Variants in POU2F1 observed in about 807,000 individuals in gnomAD.
POU2F1 encodes POU class 2 homeobox 1.
POU2F1 carries 16 observed loss-of-function variants against 84.9 expected under a neutral mutation model. The ratio of observed to expected loss-of-function variants is 0.19; its 90% CI spans 0.13 to 0.29. POU2F1 has a LOEUF of 0.29. POU2F1 is among the 10% of genes least tolerant of loss of function. POU2F1 has a pLI of 1.00. For synonymous variants in POU2F1, 368 were observed against 368.3 expected, an observed-to-expected ratio of 1.00 and a Z score of 0.01; for missense variants, 738 against 942.6, an observed-to-expected ratio of 0.78 and a Z score of 2.84.
intron 2 of POU2F1, among the ~76,000 whole-genome samples, chr1:167,358,715 G>GATTTTTTTTTTTTTTTT (rs1557923742): frequency 2.4e-5 from 1 of 41,582 alleles, no homozygotes; most frequent in African/African-American, 8.0e-5. Flanking sequence ...ATTATCTGCA[G>GATTTTTTTTTTTTTTTT]CTTTTTTTTT....
chr1:167,426,646 T>G lies in POU2F1; in HGVS notation c.*10836T>G, dbSNP rs1035664233. The G allele has an allele frequency of 1.6e-4, 25 of 152,216 alleles. 1 individual carries two copies. 9.4% of individuals were successfully genotyped at this position (152,216 alleles called of 1,614,324 possible). On this transcript the variant is annotated 3_prime_UTR_variant, in exon 16 of 16. Transcript: ENST00000367866. ...TCTTAATTATTAATTCAGGGGTGTT[T>G]GTCCACTGTTGTCAAAGGAGGGGCA...
intron 1 of POU2F1, among the ~76,000 whole-genome samples, chr1:167,266,821 A>G (rs187221728): frequency 6.6e-6 from 1 of 151,962 alleles, no homozygotes; most frequent in East Asian, 1.9e-4. Flanking sequence ...ATGGGGTTAT[A>G]TCGTGTTGGC....
intron 2 of POU2F1, among the ~76,000 whole-genome samples, chr1:167,352,092 A>G (rs1001675447): frequency 5.9e-5 from 9 of 152,222 alleles, no homozygotes; most frequent in Admixed American, 3.9e-4. Flanking sequence ...AAGGATGCCC[A>G]TTTTAGGAAA....
intron 7 of POU2F1, among the ~76,000 whole-genome samples, chr1:167,377,752 A>T (rs1054144222): frequency 2.6e-5 from 4 of 152,184 alleles, no homozygotes; most frequent in Non-Finnish European, 4.4e-5. Flanking sequence ...TGATGTACAG[A>T]TAATTTCATC....
chr1:167,374,319 T>TG, intron 6 of POU2F1, 23 bp downstream of exon 6: 1 of 1,543,452 alleles, frequency 6.5e-7, no homozygotes, highest in Non-Finnish European at 8.7e-7. Flanking sequence ...CTCCAATAGC[T>TG]GGGGCAGCAA....
At chr1:167,284,564 C>T (rs1653386731) in intron 1 of POU2F1, among the ~76,000 whole-genome samples, 1 of 152,096 alleles carries the variant, frequency 6.6e-6, no homozygotes, top group African/African-American at 2.4e-5. Context: ...TTCACTTTGC[C>T]TTTCCCATTG....
In POU2F1 at chr1:167,423,674, T is replaced by C. The variant is rs568704629; in HGVS notation, c.*7864T>C. ...ACCTTCTGGTTTAAACCCAGGACAC[T>C]GTCAAAAAGTTAAGACCCCAAAACT... On this transcript the variant is annotated 3_prime_UTR_variant, in exon 16 of 16. Coordinates refer to ENST00000367866, the MANE Select transcript of POU2F1 (RefSeq NM_002697.4). 2.6e-5 allele frequency: 4 copies of C among 152,326 alleles called. No homozygotes were observed. The highest frequency in any genetic ancestry group is 9.6e-5 in the African/African-American group (4 of 41,562). 9.4% of individuals were successfully genotyped at this position (152,326 alleles called of 1,614,324 possible). A position where few individuals can be genotyped will look rare whatever the true frequency, so the allele number is the denominator to read the frequency against.
At chr1:167,407,411 A>G (rs540200235) in intron 13 of POU2F1, among the ~76,000 whole-genome samples, 260 of 152,346 alleles carry the variant, frequency 1.7e-3, no homozygotes, top group African/African-American at 6.0e-3. Flanking sequence ...AAAGAAATCG[A>G]TAAACTCTTG....
Position 167,401,540 on chromosome 1 carries a change from G to A in POU2F1, c.1539G>A (p.Thr513=), listed in dbSNP as rs776587798. 6.9e-6 allele frequency: 11 copies of A among 1,605,266 alleles called. No individual in the cohort carries two copies. Among genetic ancestry groups the A allele is most frequent in the East Asian group, 4.5e-5 (2 of 44,344 alleles). ...PVLPLTSAAV[T]NLSVTGTSDT... ...TCCCTCTGACCAGTGCTGCTGTGACGAATCTTTCAGTTACAGGTAAGCAGC... is the reference window on the plus strand; with the variant it reads ...TCCCTCTGACCAGTGCTGCTGTGACAAATCTTTCAGTTACAGGTAAGCAGC... The change falls in exon 13 of 16, where the codon ACG becomes ACA. Residue 513 remains threonine (T), a synonymous_variant. Coordinates refer to ENST00000367866, the MANE Select transcript of POU2F1 (RefSeq NM_002697.4).
chr1:167,351,965 T>C (rs908978264), intron 2 of POU2F1, among the ~76,000 whole-genome samples: 36 of 152,196 alleles, frequency 2.4e-4, no homozygotes, highest in African/African-American at 8.4e-4. Context: ...AGGAGAGGAC[T>C]GTCCTCCCAC....
chr1:167,270,536 G>A (rs1403867672), intron 1 of POU2F1, among the ~76,000 whole-genome samples: 1 of 152,166 alleles, frequency 6.6e-6, no homozygotes, highest in East Asian at 1.9e-4. Flanking sequence ...TCAGAGGAGA[G>A]AGAGAAGAGA....
intron 1 of POU2F1, among the ~76,000 whole-genome samples, chr1:167,322,378 T>C (rs1240356594): frequency 2.6e-5 from 4 of 152,202 alleles, no homozygotes; most frequent in Non-Finnish European, 4.4e-5. Context: ...TGTACGTACT[T>C]GCACTCCTTT....
At chr1:167,391,322 A>C (rs910727096) in intron 9 of POU2F1, among the ~76,000 whole-genome samples, 11 of 152,190 alleles carry the variant, frequency 7.2e-5, no homozygotes, top group African/African-American at 4.8e-5. Flanking sequence ...AGGTAAAAAA[A>C]AACTGAAGTA....
At chr1:167,346,476 A>G (rs762161730) in intron 2 of POU2F1, among the ~76,000 whole-genome samples, 2 of 152,148 alleles carry the variant, frequency 1.3e-5, no homozygotes, top group Non-Finnish European at 2.9e-5. Flanking sequence ...TTTTGGCCCC[A>G]GTGACTGGTT....
intron 2 of POU2F1, among the ~76,000 whole-genome samples, chr1:167,347,887 G>A (rs1305202903): frequency 2.0e-5 from 3 of 152,058 alleles, no homozygotes; most frequent in Non-Finnish European, 2.9e-5. Flanking sequence ...ATGGCTGAAT[G>A]GTATTCCATT....
intron 1 of POU2F1, among the ~76,000 whole-genome samples, chr1:167,318,060 T>G (rs1656043402): frequency 6.6e-6 from 1 of 152,178 alleles, no homozygotes; most frequent in African/African-American, 2.4e-5. Context: ...CTTCAAGCAC[T>G]CCAGTTCCTG....
At chr1:167,262,130 G>A (rs1050947067) in intron 1 of POU2F1, among the ~76,000 whole-genome samples, 5 of 152,200 alleles carry the variant, frequency 3.3e-5, no homozygotes, top group African/African-American at 1.2e-4. Flanking sequence ...TCTTAGCACA[G>A]CAGCTAATTA....
At chr1:167,408,917 T>C (rs1351289513) in intron 13 of POU2F1, among the ~76,000 whole-genome samples, 1 of 152,250 alleles carries the variant, frequency 6.6e-6, no homozygotes, top group Non-Finnish European at 1.5e-5. Flanking sequence ...TACTATTGAG[T>C]TGTAAGAATT....
intron 2 of POU2F1, chr1:167,338,139 GCTTTTTGTCTT>G (rs1179004030): frequency 2.1e-6 from 1 of 466,412 alleles, no homozygotes; most frequent in Non-Finnish European, 4.4e-6. Context: ...TCCCCTTCCA[GCTTTTTGTCTT>G]CTGCCATTTC....
Sources: allele counts gnomAD v4.1 joint callset (sites outside exome capture counted in the v4.1 genomes callset), GRCh38; gene constraint gnomAD v4.1.1; transcripts MANE v1.5; gene names NCBI Gene and HGNC (gene_info 2026-07-23, HGNC 2026-07-21).